Variants in PAMR1 observed in about 807,000 individuals in gnomAD.
PAMR1 encodes the protein inactive serine protease PAMR1.
PAMR1 carries 88 observed loss-of-function variants against 81.8 expected under a neutral mutation model. The ratio of observed to expected loss-of-function variants is 1.08; its 90% CI spans 0.91 to 1.28. The LOEUF (loss-of-function observed/expected upper bound fraction) is 1.28. Ranked by LOEUF, PAMR1 falls within the 50% of genes most tolerant of loss-of-function variation. The probability of loss-of-function intolerance (pLI) is 0.00; values close to 1 mark genes in which losing one functional copy is unlikely to be tolerated. For synonymous variants in PAMR1, 336 were observed against 345.3 expected (o/e 0.97, Z 0.30); for missense variants, 935 against 919.7 (o/e 1.02, Z -0.21).
At chr11:35,524,950 A>C (rs2135430733) in intron 1 of PAMR1, among the ~76,000 whole-genome samples, 1 of 152,348 alleles carries the variant, frequency 6.6e-6, no homozygotes, top group South Asian at 2.1e-4. Flanking sequence ...CACTCTCATC[A>C]GAAAGGAAGT....
chr11:35,508,777 C>T (rs993743841), intron 1 of PAMR1, among the ~76,000 whole-genome samples: 1 of 152,064 alleles, frequency 6.6e-6, no homozygotes, highest in African/African-American at 2.4e-5. Context: ...GTTTAACTCC[C>T]ACTTATAAGT....
In PAMR1 at chr11:35,432,498, G is replaced by A. The variant is rs201029324; in HGVS notation, c.2021C>T (p.Pro674Leu). 5.8e-5 allele frequency: 93 copies of A among 1,614,194 alleles called. No homozygotes were observed. The highest frequency in any genetic ancestry group is 2.9e-4 in the East Asian group (13 of 44,880). ...ETGGIAAVSF[P>L]GRASPEPRWH... Reference sequence around the variant, plus strand: ...GCGTGGCTCAGGAGATGCTCGTCCCGGGAAGGACACAGCCGCGATGCCTCC... The same window carrying A: ...GCGTGGCTCAGGAGATGCTCGTCCCAGGAAGGACACAGCCGCGATGCCTCC... Residue 674 changes from proline (P) to leucine (L), a missense_variant, in exon 11 of 11, where the codon CCG becomes CTG. By Grantham distance (98) the Pro-to-Leu change is moderately conservative. Coordinates refer to ENST00000619888, the MANE Select transcript of PAMR1 (RefSeq NM_001001991.3).
At chr11:35,459,297 T>C (rs567536467) in intron 6 of PAMR1, among the ~76,000 whole-genome samples, 1 of 152,346 alleles carries the variant, frequency 6.6e-6, no homozygotes, top group East Asian at 1.9e-4. Context: ...GGAAAATTTT[T>C]GAAAAGTCCT....
intron 6 of PAMR1, among the ~76,000 whole-genome samples, chr11:35,457,492 ATGTGTGTG>A (rs10671102): frequency 6.6e-6 from 1 of 151,724 alleles, no homozygotes; most frequent in African/African-American, 2.4e-5. Flanking sequence ...CTTTGTGTGT[ATGTGTGTG>A]TGTATACACA....
rs1413678079 is a variant in PAMR1, at chr11:35,432,932, G to C, written c.1627-40C>G. The C allele has an allele frequency of 2.6e-6, 4 of 1,509,532 alleles. No individual in the cohort carries two copies. In the East Asian group the frequency reaches 9.1e-5, roughly 34 times the overall value. The allele number at this position is 1,509,532 out of a possible 1,614,324, so 93.5% of individuals were successfully genotyped here. A position where few individuals can be genotyped will look rare whatever the true frequency, so the allele number is the denominator to read the frequency against. ...AATGGGCAGCAATGGTGAGGAGCCA[G>C]CTCCACAGTGGATAAGAACAGACAA... On this transcript the variant is annotated intron_variant, in intron 10 of 10. Coordinates refer to ENST00000619888, the MANE Select transcript of PAMR1 (RefSeq NM_001001991.3).
chr11:35,477,698 G>A (rs950302783), intron 3 of PAMR1, among the ~76,000 whole-genome samples: 2 of 152,082 alleles, frequency 1.3e-5, no homozygotes, highest in Non-Finnish European at 1.5e-5. Context: ...TGTTTGTATC[G>A]AGTGGCAGAG....
intron 1 of PAMR1, among the ~76,000 whole-genome samples, chr11:35,511,140 G>A (rs540064287): frequency 5.3e-5 from 8 of 152,316 alleles, no homozygotes; most frequent in Non-Finnish European, 1.2e-4. Context: ...GTGAAAGAAA[G>A]CTGTCATAAT....
upstream of PAMR1, chr11:35,526,081 G>A (rs954718643): frequency 6.2e-6 from 1 of 160,376 alleles, no homozygotes; most frequent in African/African-American, 2.4e-5. Context: ...TGAGGAGAAG[G>A]AGGAGTTGGT....
chr11:35,496,852 G>A (rs868427356), intron 1 of PAMR1, among the ~76,000 whole-genome samples: 2 of 152,160 alleles, frequency 1.3e-5, no homozygotes, highest in Admixed American at 6.5e-5. Context: ...TTTCCATCAA[G>A]AGACAAATGG....
chr11:35,519,648 A>T (rs1851234676), intron 1 of PAMR1, among the ~76,000 whole-genome samples: 1 of 152,132 alleles, frequency 6.6e-6, no homozygotes. Flanking sequence ...CTTGGGTTCC[A>T]TGTGGTGCTA....
upstream of PAMR1, among the ~76,000 whole-genome samples, chr11:35,528,075 C>T (rs1851419464): frequency 6.6e-6 from 1 of 152,056 alleles, no homozygotes; most frequent in African/African-American, 2.4e-5. Context: ...GAATTGCATC[C>T]CCCTGACAGA....
chr11:35,488,197 C>CTTTTT lies in PAMR1; in HGVS notation c.379+3843_379+3847dup, dbSNP rs35884320. Among the ~76,000 whole-genome samples the CTTTTT allele has an allele frequency of 1.5e-4, 13 of 88,036 alleles. 1 individual carries two copies. Among genetic ancestry groups the CTTTTT allele is most frequent in the African/African-American group, 5.1e-4 (12 of 23,346 alleles). The allele number at this position is 88,036 out of a possible 152,430, so 57.8% of individuals were successfully genotyped here. Reference sequence around the variant, plus strand: ...TAAAACCTGTTTAACCCTTTCCCATCTTTTTTTTTTTTTTTTTTTTTTTTG... The same window carrying CTTTTT: ...TAAAACCTGTTTAACCCTTTCCCATCTTTTTTTTTTTTTTTTTTTTTTTTTTTTTG... On this transcript the variant is annotated intron_variant, in intron 3 of 10. Transcript: ENST00000619888.
chr11:35,510,904 C>T (rs769149), intron 1 of PAMR1, among the ~76,000 whole-genome samples: 27,604 of 152,176 alleles, frequency 0.18, 3,061 homozygotes, highest in African/African-American at 0.3. Flanking sequence ...CTTCTCTCAA[C>T]TTCCATGGTT....
rs1855998481 is a variant in PAMR1 at position 35,434,723 on chromosome 11, G to T, written c.1415C>A (p.Thr472Asn). The T allele has an allele frequency of 6.2e-7, 1 of 1,614,038 alleles. No homozygotes were observed. The change falls in exon 10 of 11, where the codon ACC (threonine) becomes AAC (asparagine). Residue 472 changes from threonine to asparagine, a missense_variant. Thr to Asn is a moderately conservative substitution (Grantham distance 65, BLOSUM62 0). Coordinates refer to ENST00000619888, the MANE Select transcript of PAMR1 (RefSeq NM_001001991.3). ...TAGGCTGCCGTCATGCACCCCGCTG[G>T]TCCTCCTGTAGATGGCTGCCTGCCA... ...WPWQAAIYRRTSGVHDGSLHK... is the reference protein window; with the variant it reads ...WPWQAAIYRRNSGVHDGSLHK...
chr11:35,499,585 A>AG (rs1850792385), intron 1 of PAMR1, among the ~76,000 whole-genome samples: 1 of 152,180 alleles, frequency 6.6e-6, no homozygotes, highest in South Asian at 2.1e-4. Context: ...GTCACATGCC[A>AG]GGGGTCTCCC....
At chr11:35,526,918 T>C (rs1467169312), upstream of PAMR1, among the ~76,000 whole-genome samples, 2 of 152,034 alleles carry the variant, frequency 1.3e-5, no homozygotes, top group Non-Finnish European at 2.9e-5. Flanking sequence ...GCCCTGGTGG[T>C]TTACAAGTAG....
chr11:35,487,500 A>G (rs1850532947), intron 3 of PAMR1, among the ~76,000 whole-genome samples: 1 of 152,248 alleles, frequency 6.6e-6, no homozygotes, highest in Non-Finnish European at 1.5e-5. Flanking sequence ...GCACTTCCAG[A>G]GAGCATCAGC....
At chr11:35,445,428 T>C (rs1856269896) in intron 6 of PAMR1, among the ~76,000 whole-genome samples, 1 of 152,192 alleles carries the variant, frequency 6.6e-6, no homozygotes. Context: ...CAGTTTTCGA[T>C]GGGAATGCTT....
At chr11:35,436,963 C>T (rs936601953) in intron 8 of PAMR1, among the ~76,000 whole-genome samples, 8 of 152,136 alleles carry the variant, frequency 5.3e-5, no homozygotes, top group Non-Finnish European at 1.2e-4. Flanking sequence ...TAGGAATTGA[C>T]TCAAACTAAA....
Sources: allele counts gnomAD v4.1 joint callset (sites outside exome capture counted in the v4.1 genomes callset), GRCh38; gene constraint gnomAD v4.1.1; transcripts MANE v1.5; gene names NCBI Gene and HGNC (gene_info 2026-07-23, HGNC 2026-07-21).